CDK19: variants seen among roughly 807,000 people sequenced by gnomAD.
The protein encoded by CDK19 is cyclin-dependent kinase 19.
A neutral mutation model predicts 68.3 loss-of-function variants in CDK19; 20 were observed. That is an observed-to-expected ratio of 0.29 (90% CI 0.21 to 0.43). The LOEUF (loss-of-function observed/expected upper bound fraction) is 0.43. Among genes scored for constraint, CDK19 ranks in the 20% least tolerant of loss-of-function variants. The probability of loss-of-function intolerance (pLI) is 1.00; values close to 1 mark genes in which losing one functional copy is unlikely to be tolerated. For synonymous variants in CDK19, 221 were observed against 222.8 expected, an observed-to-expected ratio of 0.99 and a Z score of 0.07; for missense variants, 339 against 623.5, an observed-to-expected ratio of 0.54 and a Z score of 4.86.
At chr6:110,773,273 A>G (rs1780167230) in intron 1 of CDK19, among the ~76,000 whole-genome samples, 1 of 150,310 alleles carries the variant, frequency 6.7e-6, no homozygotes, top group African/African-American at 2.5e-5. Context: ...TGAACCCAGG[A>G]GGTGGAGGTT....
chr6:110,683,203 T>G (rs1226207217), intron 2 of CDK19, among the ~76,000 whole-genome samples: 2 of 142,240 alleles, frequency 1.4e-5, no homozygotes, highest in Non-Finnish European at 3.0e-5. Context: ...AAAAAGTACA[T>G]AGCACGATGC....
chr6:110,769,577 A>AAATAATAAT (rs768751177), intron 1 of CDK19, among the ~76,000 whole-genome samples: 3 of 146,312 alleles, frequency 2.1e-5, no homozygotes, highest in African/African-American at 5.1e-5. Context: ...AAAAAAAAAA[A>AAATAATAAT]AATAATAATA....
At chr6:110,762,764 T>C (rs1283336959) in intron 1 of CDK19, among the ~76,000 whole-genome samples, 4 of 152,198 alleles carry the variant, frequency 2.6e-5, no homozygotes, top group Admixed American at 6.5e-5. Flanking sequence ...TGGGAAGAGA[T>C]ACAGGAATAT....
chr6:110,783,756 C>T (rs9481107), intron 1 of CDK19, among the ~76,000 whole-genome samples: 1 of 151,848 alleles, frequency 6.6e-6, no homozygotes, highest in South Asian at 2.1e-4. Context: ...GCAGTGGTTT[C>T]TTAGCACAAG....
At chr6:110,727,138 T>C (rs1266866251) in intron 2 of CDK19, among the ~76,000 whole-genome samples, 1 of 152,182 alleles carries the variant, frequency 6.6e-6, no homozygotes, top group Non-Finnish European at 1.5e-5. Flanking sequence ...TCTCATGAGA[T>C]ATATGAAAAC....
At chr6:110,763,172 A>G (rs904524340) in intron 1 of CDK19, among the ~76,000 whole-genome samples, 4 of 152,164 alleles carry the variant, frequency 2.6e-5, no homozygotes, top group African/African-American at 9.7e-5. Context: ...CATAATTTAA[A>G]AAACTTTTAT....
At chr6:110,688,020 G>C (rs1010582540) in intron 2 of CDK19, among the ~76,000 whole-genome samples, 2 of 152,096 alleles carry the variant, frequency 1.3e-5, no homozygotes, top group African/African-American at 4.8e-5. Context: ...GTTCTCCAGT[G>C]TAAGTTCTGG....
At chr6:110,670,801 G>T in intron 2 of CDK19, 1 of 564,094 alleles carries the variant, frequency 1.8e-6, no homozygotes, top group East Asian at 4.0e-5. Flanking sequence ...GTCAGAGACT[G>T]CAAGCAGGAA....
At chr6:110,661,374 A>G (rs1781608212) in intron 4 of CDK19, among the ~76,000 whole-genome samples, 1 of 152,220 alleles carries the variant, frequency 6.6e-6, no homozygotes, top group African/African-American at 2.4e-5. Context: ...ATGAGATGTA[A>G]TTCTATGAAA....
At chr6:110,680,978 C>CA (rs1270765268) in intron 2 of CDK19, among the ~76,000 whole-genome samples, 1 of 151,850 alleles carries the variant, frequency 6.6e-6, no homozygotes, top group African/African-American at 2.4e-5. Context: ...GCCTGGGCAA[C>CA]AGAGTGAGAC....
chr6:110,642,234 G>C (rs560749331), intron 4 of CDK19, among the ~76,000 whole-genome samples: 2 of 151,746 alleles, frequency 1.3e-5, no homozygotes, highest in East Asian at 3.9e-4. Context: ...CCGGAAAGCG[G>C]GAAAGCGGAG....
intron 2 of CDK19, among the ~76,000 whole-genome samples, chr6:110,732,897 T>A (rs1776868976): frequency 6.6e-6 from 1 of 151,938 alleles, no homozygotes. Flanking sequence ...TGAAACCCCA[T>A]CTCTATTAAA....
chr6:110,672,833 GA>G (rs1224802942), intron 2 of CDK19, among the ~76,000 whole-genome samples: 1 of 151,554 alleles, frequency 6.6e-6, no homozygotes, highest in Non-Finnish European at 1.5e-5. Flanking sequence ...TTTTTTTAAA[GA>G]AAAAAATAAA....
At chr6:110,694,770 A>C (rs1773329825) in intron 2 of CDK19, among the ~76,000 whole-genome samples, 1 of 152,208 alleles carries the variant, frequency 6.6e-6, no homozygotes, top group African/African-American at 2.4e-5. Context: ...AGTGTCAGTA[A>C]ATTTAAGGAA....
intron 1 of CDK19, among the ~76,000 whole-genome samples, chr6:110,755,970 T>C (rs753520969): frequency 1.3e-5 from 2 of 151,820 alleles, no homozygotes; most frequent in Non-Finnish European, 2.9e-5. Context: ...AAAATATATA[T>C]CTATTATGGC....
intron 2 of CDK19, among the ~76,000 whole-genome samples, chr6:110,705,778 C>T (rs1003579407): frequency 2.6e-5 from 4 of 152,072 alleles, no homozygotes; most frequent in African/African-American, 9.7e-5. Flanking sequence ...GCCACATGTT[C>T]CCACTCATAA....
intron 4 of CDK19, among the ~76,000 whole-genome samples, chr6:110,663,027 T>C (rs1259272673): frequency 6.6e-6 from 1 of 152,210 alleles, no homozygotes; most frequent in Non-Finnish European, 1.5e-5. Context: ...ACCTTTATGA[T>C]GATGTAATGC....
chr6:110,815,074 C>T lies in CDK19; in HGVS notation c.63G>A (p.Glu21=). ...AERERVEDLF[E]YEGCKVGRGT... is the part of the protein sequence containing the mutation. ...CGCGTCCCACTTTGCACCCTTCGTACTCAAACAAATCCTCCACCCGCTCCC... is the reference window on the plus strand; with the variant it reads ...CGCGTCCCACTTTGCACCCTTCGTATTCAAACAAATCCTCCACCCGCTCCC... The change falls in exon 1 of 13, where the codon GAG becomes GAA. Residue 21 remains glutamate, a synonymous_variant. Transcript: ENST00000368911. The T allele has an allele frequency of 1.2e-6, 2 of 1,605,114 alleles. No homozygotes were observed. Among genetic ancestry groups the T allele is most frequent in the South Asian group, 1.1e-5 (1 of 90,036 alleles).
At chr6:110,701,113 A>T (rs998860457) in intron 2 of CDK19, among the ~76,000 whole-genome samples, 44 of 152,282 alleles carry the variant, frequency 2.9e-4, no homozygotes, top group African/African-American at 1.0e-3. Context: ...CTGAGGCAGG[A>T]GAATTCCTAG....
Sources: gnomAD v4.1 joint callset for allele counts (sites outside exome capture counted in the v4.1 genomes callset) on GRCh38, gnomAD v4.1.1 for gene constraint, MANE v1.5 for transcripts, NCBI Gene and HGNC (gene_info 2026-07-23, HGNC 2026-07-21) for gene names.